The following DCC variants were observed in gnomAD, a reference collection of about 807,000 sequenced individuals.
The protein encoded by DCC is DCC netrin 1 receptor.
Under a neutral mutation model 172.5 loss-of-function variants are expected in DCC, and 58 were observed. The observed-to-expected ratio is 0.34, with a 90% CI of 0.27 to 0.42. DCC has a LOEUF of 0.42. Ranked by LOEUF, DCC falls within the 10% of genes least tolerant of loss-of-function variation. DCC has a pLI of 1.00. For missense variants in DCC, 1,740 were observed against 1,791.0 expected (o/e 0.97, Z 0.51); for synonymous variants, 709 against 644.5 (o/e 1.10, Z -1.52).
chr18:52,518,585 G>T (rs1219894511), intron 1 of DCC, among the ~76,000 whole-genome samples: 1 of 152,108 alleles, frequency 6.6e-6, no homozygotes, highest in Non-Finnish European at 1.5e-5. Flanking sequence ...AAACAAAACT[G>T]TGCTAGTCTC....
chr18:53,496,145 GC>G (rs1466793594), intron 26 of DCC, among the ~76,000 whole-genome samples: 1 of 152,128 alleles, frequency 6.6e-6, no homozygotes, highest in Non-Finnish European at 1.5e-5. Context: ...TCTCCATCCA[GC>G]CCATGTATCC....
At chr18:53,488,343 C>T (rs1197980534) in intron 26 of DCC, among the ~76,000 whole-genome samples, 1 of 152,008 alleles carries the variant, frequency 6.6e-6, no homozygotes, top group Non-Finnish European at 1.5e-5. Context: ...ACACTGCAAT[C>T]CAGCCTGGGT....
At chr18:53,040,853 G>C (rs1207455344) in intron 5 of DCC, among the ~76,000 whole-genome samples, 1 of 151,912 alleles carries the variant, frequency 6.6e-6, no homozygotes, top group African/African-American at 2.4e-5. Context: ...ACTGAGACAG[G>C]TCAGGATTGA....
intron 1 of DCC, among the ~76,000 whole-genome samples, chr18:52,662,785 C>G (rs1215888778): frequency 6.6e-6 from 1 of 152,104 alleles, no homozygotes; most frequent in Non-Finnish European, 1.5e-5. Flanking sequence ...TGGCTTACAC[C>G]AAAATTTGTT....
intron 5 of DCC, among the ~76,000 whole-genome samples, chr18:52,980,475 T>C (rs541110083): frequency 6.6e-6 from 1 of 152,174 alleles, no homozygotes; most frequent in Non-Finnish European, 1.5e-5. Context: ...CTTTGTTTTA[T>C]CTATTCATTT....
At chr18:52,379,338 A>C (rs1985489240) in intron 1 of DCC, among the ~76,000 whole-genome samples, 1 of 152,138 alleles carries the variant, frequency 6.6e-6, no homozygotes, top group African/African-American at 2.4e-5. Context: ...GGCATCTAAA[A>C]GATCTGATTT....
At chr18:53,203,932 A>C (rs1598902621) in intron 9 of DCC, among the ~76,000 whole-genome samples, 1 of 152,332 alleles carries the variant, frequency 6.6e-6, no homozygotes, top group South Asian at 2.1e-4. Flanking sequence ...ATGAAAAAAT[A>C]CAAAATTTGC....
intron 2 of DCC, among the ~76,000 whole-genome samples, chr18:52,774,741 C>G (rs1479769422): frequency 7.4e-6 from 1 of 134,900 alleles, no homozygotes; most frequent in Admixed American, 7.7e-5. Flanking sequence ...GCTGGACTAG[C>G]CTTTGCCTGC....
rs556610281 is a variant in DCC at position 52,478,702 on chromosome 18, G to A, written c.91+137824G>A. On this transcript the variant is annotated intron_variant, in intron 1 of 28. Transcript: ENST00000442544. Reference sequence around the variant, plus strand: ...GACACATAACATAGCCACAGCAGGAGCAGGAGAGATCATCAGGGGAGATGT... The same window carrying A: ...GACACATAACATAGCCACAGCAGGAACAGGAGAGATCATCAGGGGAGATGT... 9.2e-5 allele frequency among the ~76,000 whole-genome samples: 14 copies of A among 152,292 alleles called. No individual in the cohort carries two copies. In the South Asian group the frequency reaches 2.7e-3, roughly 29 times the overall value.
intron 1 of DCC, among the ~76,000 whole-genome samples, chr18:52,638,793 G>A (rs942615978): frequency 6.6e-6 from 1 of 152,046 alleles, no homozygotes; most frequent in African/African-American, 2.4e-5. Context: ...CACTAGACAG[G>A]TCATCAAGAC....
intron 22 of DCC, among the ~76,000 whole-genome samples, chr18:53,443,691 A>C (rs1461711776): frequency 6.6e-6 from 1 of 152,224 alleles, no homozygotes; most frequent in Admixed American, 6.5e-5. Flanking sequence ...ACGTTTTGGA[A>C]AGGATTCACC....
intron 5 of DCC, among the ~76,000 whole-genome samples, chr18:52,949,151 CTT>C (rs2040596107): frequency 6.6e-6 from 1 of 152,188 alleles, no homozygotes; most frequent in Admixed American, 6.5e-5. Flanking sequence ...TGCTGTGAGA[CTT>C]CAACCAGAAA....
rs188701732 is a variant in DCC, at chr18:52,341,048, C to T, written c.91+170C>T. Among the ~76,000 whole-genome samples, 29 of 147,058 alleles carry T rather than the reference C, an allele frequency of 2.0e-4. No individual in the cohort carries two copies. The East Asian group carries it at 5.8e-3, about 30-fold the overall frequency. On this transcript the variant is annotated intron_variant, in intron 1 of 28. Transcript: ENST00000442544. ...AAAGATAGAAGAGTTTTTTTCTTCC[C>T]TGGGGGCGGATGATGGTGGGGGGGT...
At chr18:53,088,367 T>C (rs1035814876) in intron 7 of DCC, among the ~76,000 whole-genome samples, 1 of 152,204 alleles carries the variant, frequency 6.6e-6, no homozygotes, top group Admixed American at 6.5e-5. Context: ...TTGAAGCAAT[T>C]GTGAATGGGA....
chr18:53,008,416 T>C (rs2041677361), intron 5 of DCC, among the ~76,000 whole-genome samples: 1 of 152,086 alleles, frequency 6.6e-6, no homozygotes, highest in African/African-American at 2.4e-5. Flanking sequence ...CTCCAAGATA[T>C]GTTTCTGTCT....
At chr18:53,118,790 T>G (rs1252720448) in intron 7 of DCC, among the ~76,000 whole-genome samples, 1 of 151,752 alleles carries the variant, frequency 6.6e-6, no homozygotes, top group African/African-American at 2.4e-5. Context: ...CAGTTCAAAT[T>G]AGAACTTAGG....
At chr18:52,786,284 ACCCATCCCTTTTTGTTTCT>A (rs2037657540) in intron 2 of DCC, among the ~76,000 whole-genome samples, 1 of 152,044 alleles carries the variant, frequency 6.6e-6, no homozygotes, top group Non-Finnish European at 1.5e-5. Context: ...TTTTTGTGTT[ACCCATCCCTTTTTGTTTCT>A]TCCAAGCTGC....
intron 1 of DCC, among the ~76,000 whole-genome samples, chr18:52,510,332 C>T (rs557351592): frequency 1.1e-3 from 170 of 152,300 alleles, no homozygotes; most frequent in Admixed American, 3.9e-3. Flanking sequence ...CTCTGCATTC[C>T]AGCTGCGGGC....
At chr18:53,450,448 ACTT>A in intron 22 of DCC, 49 bp from the exon 23 acceptor site, 2 of 1,605,336 alleles carry the variant, frequency 1.2e-6, no homozygotes, top group Non-Finnish European at 1.7e-6. Context: ...GCTTGGTAAA[ACTT>A]CTGCCACATC....
Sources: allele counts gnomAD v4.1 joint callset (sites outside exome capture counted in the v4.1 genomes callset), GRCh38; gene constraint gnomAD v4.1.1; transcripts MANE v1.5; gene names NCBI Gene and HGNC (gene_info 2026-07-23, HGNC 2026-07-21).